AMD1: variants seen among roughly 807,000 people sequenced by gnomAD.
AMD1 encodes adenosylmethionine decarboxylase 1.
AMD1 carries 11 observed loss-of-function variants against 40.2 expected under a neutral mutation model. The observed-to-expected ratio is 0.27, with a 90% CI of 0.17 to 0.45. AMD1 has a LOEUF of 0.45. Ranked by LOEUF, AMD1 falls within the 20% of genes least tolerant of loss-of-function variation. The pLI is 1.00. For synonymous variants in AMD1, 121 were observed against 130.8 expected (o/e 0.93, Z 0.51); for missense variants, 257 against 410.2 (o/e 0.63, Z 3.23).
chr6:110,886,086 C>A (rs1347920155), intron 1 of AMD1, among the ~76,000 whole-genome samples: 1 of 151,788 alleles, frequency 6.6e-6, no homozygotes, highest in African/African-American at 2.4e-5. Flanking sequence ...GAAACCCTGT[C>A]GCCACTAAAA....
rs1289335761 is a variant in AMD1 at position 110,894,658 on chromosome 6, A to G, written c.*1042A>G. 1 of 152,224 alleles carries G rather than the reference A, an allele frequency of 6.6e-6. No individual in the cohort carries two copies. The highest frequency in any genetic ancestry group is 2.4e-5 in the African/African-American group (1 of 41,470). The allele number at this position is 152,224 out of a possible 1,614,324, so 9.4% of individuals were successfully genotyped here. On this transcript the variant is annotated 3_prime_UTR_variant, in exon 9 of 9. Transcript: ENST00000368885. Reference sequence around the variant, plus strand: ...ATTTTGTTCTGGATTCAGTAAATCAAGTCAGCTTGGATCATTCACCTTAAC... The same window carrying G: ...ATTTTGTTCTGGATTCAGTAAATCAGGTCAGCTTGGATCATTCACCTTAAC...
At chr6:110,860,235 G>A in the AMD1 span, among the ~76,000 whole-genome samples, 15 of 152,084 alleles carry the variant, frequency 9.9e-5, no homozygotes, top group African/African-American at 3.4e-4. Context: ...ACTGCACAGG[G>A]ACCCCCACCC....
chr6:110,891,137 C>A (rs1315721310), intron 4 of AMD1: 1 of 152,164 alleles, frequency 6.6e-6, no homozygotes, highest in Non-Finnish European at 1.5e-5. Flanking sequence ...CACTTTGTCT[C>A]CCAGGCTGGA....
chr6:110,850,177 G>A, the AMD1 span, among the ~76,000 whole-genome samples: 5 of 151,868 alleles, frequency 3.3e-5, no homozygotes, highest in African/African-American at 1.2e-4. Flanking sequence ...CTAAAAAAAA[G>A]AACTGATTTC....
chr6:110,834,957 A>C, the AMD1 span, among the ~76,000 whole-genome samples: 1 of 151,682 alleles, frequency 6.6e-6, no homozygotes, highest in South Asian at 2.1e-4. Context: ...AAAAAAAAAA[A>C]AAATCTATAG....
the AMD1 span, chr6:110,863,821 T>G: frequency 8.3e-6 from 3 of 361,712 alleles, no homozygotes; most frequent in African/African-American, 6.6e-5. Flanking sequence ...TGGCATCACC[T>G]GGAGCTTAAG....
upstream of AMD1, among the ~76,000 whole-genome samples, chr6:110,874,557 G>C (rs1303679673): frequency 6.6e-6 from 1 of 152,062 alleles, no homozygotes; most frequent in Non-Finnish European, 1.5e-5. Context: ...TCCCCAGCTG[G>C]ACATCACAGC....
the AMD1 span, among the ~76,000 whole-genome samples, chr6:110,826,760 C>T: frequency 6.6e-6 from 1 of 150,978 alleles, no homozygotes; most frequent in African/African-American, 2.4e-5. Context: ...GGCGAAATCC[C>T]GGCTCACTGC....
intron 2 of AMD1, 40 bp from the exon 3 acceptor site, chr6:110,888,817 A>G (rs758290283): frequency 1.9e-6 from 3 of 1,594,806 alleles, no homozygotes; most frequent in Middle Eastern, 2.3e-4. Flanking sequence ...TCAGTAGTAC[A>G]TTAGTATTGT....
chr6:110,891,998 A>C, intron 4 of AMD1, 163 bp from the exon 5 acceptor site: 1 of 807,636 alleles, frequency 1.2e-6, no homozygotes, highest in Non-Finnish European at 2.0e-6. Context: ...CCCTGCCAAA[A>C]GGGGTGGGAT....
At chr6:110,846,051 C>T in the AMD1 span, among the ~76,000 whole-genome samples, 1 of 152,082 alleles carries the variant, frequency 6.6e-6, no homozygotes, top group African/African-American at 2.4e-5. Flanking sequence ...ACCAGCCTGG[C>T]CAACATGGTG....
chr6:110,877,085 C>G (rs2115272439), intron 1 of AMD1, among the ~76,000 whole-genome samples: 1 of 152,262 alleles, frequency 6.6e-6, no homozygotes, highest in East Asian at 1.9e-4. Flanking sequence ...TTTAATCAGC[C>G]CAAATTGTTT....
At chr6:110,880,246 T>G (rs1289944255) in intron 1 of AMD1, among the ~76,000 whole-genome samples, 2 of 152,184 alleles carry the variant, frequency 1.3e-5, no homozygotes, top group Non-Finnish European at 2.9e-5. Flanking sequence ...CACTTTTTGT[T>G]GAGTTGTGTG....
the AMD1 span, among the ~76,000 whole-genome samples, chr6:110,833,288 C>G: frequency 2.6e-5 from 4 of 152,154 alleles, no homozygotes; most frequent in East Asian, 1.9e-4. Context: ...TTTTCCTGCT[C>G]TGATTTACCT....
chr6:110,835,058 G>A, the AMD1 span, among the ~76,000 whole-genome samples: 3 of 140,874 alleles, frequency 2.1e-5, no homozygotes, highest in Non-Finnish European at 4.6e-5. Context: ...TCACTCTGTC[G>A]CCCAGGCTGG....
the AMD1 span, among the ~76,000 whole-genome samples, chr6:110,855,069 T>C: frequency 2.8e-5 from 4 of 141,458 alleles, no homozygotes; most frequent in Non-Finnish European, 6.2e-5. Flanking sequence ...CTCTCTCTTT[T>C]TTTTTTTTTT....
chr6:110,840,881 T>C, the AMD1 span, among the ~76,000 whole-genome samples: 4 of 152,242 alleles, frequency 2.6e-5, no homozygotes, highest in East Asian at 3.9e-4. Flanking sequence ...ACAAGGAATA[T>C]GGGAGTTATG....
chr6:110,892,223 G>A lies in AMD1; in HGVS notation c.470+20G>A. ...CTGTTGGTATGTTTAATGCAATTTT[G>A]TGGATTTTTGTTGTCCTATGTAAGA... On this transcript the variant is annotated intron_variant, in intron 5 of 8. Coordinates refer to ENST00000368885, the MANE Select transcript of AMD1 (RefSeq NM_001634.6). The A allele has an allele frequency of 6.2e-7, 1 of 1,613,776 alleles. No homozygotes were observed.
the AMD1 span, among the ~76,000 whole-genome samples, chr6:110,834,714 T>TCC: frequency 9.2e-5 from 14 of 152,030 alleles, no homozygotes; most frequent in South Asian, 2.7e-3. Context: ...ATCCCAGCAC[T>TCC]TTGGGAAGCC....
Sources: gnomAD v4.1 joint callset for allele counts (sites outside exome capture counted in the v4.1 genomes callset) on GRCh38, gnomAD v4.1.1 for gene constraint, MANE v1.5 for transcripts, NCBI Gene and HGNC (gene_info 2026-07-23, HGNC 2026-07-21) for gene names.